The following CENPE variants were observed in gnomAD, a reference collection of about 807,000 sequenced individuals.
The protein encoded by CENPE is centromere-associated protein E.
CENPE carries 145 observed loss-of-function variants against 336.1 expected under a neutral mutation model. The observed-to-expected ratio is 0.43, with a 90% confidence interval of 0.38 to 0.50. The LOEUF (loss-of-function observed/expected upper bound fraction) is 0.50. Ranked by LOEUF, CENPE falls within the 20% of genes least tolerant of loss-of-function variation. The pLI, the probability that CENPE is intolerant of heterozygous loss-of-function variation, is 0.00. For missense variants in CENPE, 2,719 were observed against 3,023.3 expected, an observed-to-expected ratio of 0.90 and a Z score of 2.36; for synonymous variants, 1,013 against 984.8, an observed-to-expected ratio of 1.03 and a Z score of -0.54.
In CENPE at chr4:103,116,683, C is replaced by A; in HGVS notation, c.7336G>T (p.Val2446Phe). ...KETIQVLQDK[V>F]ALGAKPYKEE... Reference sequence around the variant, plus strand: ...TTATATGGCTTAGCTCCTAAAGCAACTTTGTCCTAAATTTTTTTTAGAGAA... The same window carrying A: ...TTATATGGCTTAGCTCCTAAAGCAAATTTGTCCTAAATTTTTTTTAGAGAA... Residue 2446 changes from valine to phenylalanine, a missense_variant, in exon 45 of 49, where the codon GTT becomes TTT. Coordinates refer to ENST00000265148, the MANE Select transcript of CENPE (RefSeq NM_001813.3). 6.5e-7 allele frequency: 1 copy of A among 1,547,630 alleles called. No homozygotes were observed. Among genetic ancestry groups the A allele is most frequent in the Non-Finnish European group, 8.7e-7 (1 of 1,147,000 alleles).
chr4:103,120,149 T>C lies in CENPE; in HGVS notation c.7328A>G (p.Gln2443Arg), dbSNP rs115120218. 48 of 1,587,572 alleles carry C rather than the reference T, an allele frequency of 3.0e-5. No homozygotes were observed. The East Asian group carries it at 1.0e-3, about 33-fold the overall frequency. ...CTTTTATTTTTATGTTTAAGTTACC[T>C]GAAGTACTTGAATTGTCTCTTTTGT... ...EKTKETIQVL[Q>R]DKVALGAKPY... The change falls in exon 44 of 49, where the codon CAG (glutamine) becomes CGG (arginine). Residue 2443 changes from glutamine (Q) to arginine (R), a missense_variant and splice_region_variant. Physicochemically the swap from Gln to Arg is conservative, Grantham distance 43 (BLOSUM62 1). Around this residue, in one of 5 missense-constraint regions of CENPE, gnomAD observed 2,437 missense variants for 2,513.3 expected, o/e 0.97. Transcript: ENST00000265148.
At chr4:103,136,104 G>T in intron 40 of CENPE, 37 bp downstream of exon 40, 1 of 1,523,334 alleles carries the variant, frequency 6.6e-7, no homozygotes, top group East Asian at 2.3e-5. Flanking sequence ...GTTTATAACT[G>T]AAATATTTAA....
intron 12 of CENPE, 103 bp from the exon 13 acceptor site, chr4:103,180,572 T>C: frequency 1.4e-6 from 1 of 691,086 alleles, no homozygotes; most frequent in South Asian, 3.2e-5. Context: ...ATATGAACTA[T>C]AAGAATTTTA....
At chr4:103,183,041 T>A in intron 10 of CENPE, 150 bp from the exon 11 acceptor site, 1 of 883,440 alleles carries the variant, frequency 1.1e-6, no homozygotes, top group Non-Finnish European at 1.7e-6. Context: ...CTAAAAAATA[T>A]TTAAAACAGA....
In CENPE at chr4:103,161,124, G is replaced by A; in HGVS notation, c.2093C>T (p.Thr698Ile). ...GCCATCTATAAGGGAGGTGAGTTTTGTTATCTCATTAAAAGCAGATTGTAA... is the reference window on the plus strand; with the variant it reads ...GCCATCTATAAGGGAGGTGAGTTTTATTATCTCATTAAAAGCAGATTGTAA... ...KELQSAFNEI[T>I]KLTSLIDGKV... Residue 698 changes from threonine to isoleucine, a missense_variant, in exon 20 of 49, where the codon ACA becomes ATA. This residue lies in a region of CENPE where 2,437 missense variants were observed against 2,513.3 expected (regional missense o/e 0.97). Coordinates refer to ENST00000265148, the MANE Select transcript of CENPE (RefSeq NM_001813.3). 1.2e-6 allele frequency: 2 copies of A among 1,606,810 alleles called. No individual in the cohort carries two copies. Among genetic ancestry groups the A allele is most frequent in the Middle Eastern group, 3.3e-4 (2 of 5,974 alleles).
chr4:103,125,338 T>C (rs1470657824), intron 42 of CENPE, among the ~76,000 whole-genome samples: 4 of 152,220 alleles, frequency 2.6e-5, no homozygotes, highest in African/African-American at 9.6e-5. Flanking sequence ...GAATATTACA[T>C]GTTTTACCAA....
At chr4:103,172,006 C>T (rs1292476555) in intron 16 of CENPE, among the ~76,000 whole-genome samples, 1 of 151,968 alleles carries the variant, frequency 6.6e-6, no homozygotes, top group Admixed American at 6.6e-5. Flanking sequence ...GGCCCAGGAC[C>T]TGATGGCATC....
intron 42 of CENPE, among the ~76,000 whole-genome samples, chr4:103,126,958 A>T (rs763214021): frequency 6.6e-6 from 1 of 152,074 alleles, no homozygotes; most frequent in Admixed American, 6.5e-5. Context: ...TAATGTATAC[A>T]TAATGGGAAT....
chr4:103,196,302 C>A, intron 2 of CENPE, 50 bp from the exon 3 acceptor site: 1 of 1,347,712 alleles, frequency 7.4e-7, no homozygotes, highest in South Asian at 1.2e-5. Flanking sequence ...TCAAATGAGT[C>A]CACTGTGTTT....
chr4:103,112,973 TAA>T (rs1263532874), intron 46 of CENPE, among the ~76,000 whole-genome samples: 1 of 33,760 alleles, frequency 3.0e-5, no homozygotes, highest in Admixed American at 3.9e-4. Context: ...TATAAGTATA[TAA>T]GTGTATATAT....
intron 42 of CENPE, among the ~76,000 whole-genome samples, chr4:103,130,294 T>C (rs1045080609): frequency 6.6e-6 from 1 of 152,204 alleles, no homozygotes; most frequent in Admixed American, 6.5e-5. Flanking sequence ...AAAATACTCC[T>C]GGAACTAAAT....
At chr4:103,143,215 C>G (rs1217110243) in intron 34 of CENPE, 33 bp downstream of exon 34, 1 of 1,496,392 alleles carries the variant, frequency 6.7e-7, no homozygotes, top group Non-Finnish European at 9.0e-7. Context: ...GATTCAAACT[C>G]TCAGTAACTG....
intron 48 of CENPE, among the ~76,000 whole-genome samples, chr4:103,107,640 C>G (rs560755713): frequency 8.7e-4 from 133 of 152,260 alleles, no homozygotes; most frequent in African/African-American, 3.1e-3. Flanking sequence ...CTGTGGACAA[C>G]CTCCATGCAG....
intron 39 of CENPE, 145 bp from the exon 40 acceptor site, chr4:103,136,504 G>A: frequency 2.0e-6 from 1 of 509,734 alleles, no homozygotes; most frequent in Non-Finnish European, 3.3e-6. Flanking sequence ...AAAAACAAAA[G>A]GAAACTCTTG....
intron 29 of CENPE, among the ~76,000 whole-genome samples, chr4:103,147,081 C>T (rs1425670226): frequency 6.6e-6 from 1 of 152,142 alleles, no homozygotes; most frequent in East Asian, 1.9e-4. Context: ...TATTTGGTTT[C>T]ACCCTTTCTT....
chr4:103,132,980 A>ATATATATATATATATATATATATATATG, intron 41 of CENPE, 84 bp from the exon 42 acceptor site: 2 of 194,110 alleles, frequency 1.0e-5, no homozygotes, highest in Non-Finnish European at 1.0e-5. Flanking sequence ...ATATATATAT[A>ATATATATATATATATATATATATATATG]TATAAAATAA....
rs1752591543 is a variant in CENPE, at chr4:103,141,851, C to T, written c.5362G>A (p.Glu1788Lys). Residue 1788 changes from glutamate to lysine, a missense_variant, in exon 35 of 49, where the codon GAA (glutamate) becomes AAA (lysine). By Grantham distance (56) the Glu-to-Lys change is moderately conservative (BLOSUM62 1). Transcript: ENST00000265148. ...IAHMHLKEQQ[E>K]TIDKLRGIVS... ...ATTCCTCTGAGTTTGTCAATAGTTT[C>T]CTGCTGCTCTTTCAGATGCATGTGA... is the stretch of plus-strand genomic sequence containing the variant. 3.1e-6 allele frequency: 5 copies of T among 1,601,896 alleles called. No individual in the cohort carries two copies. The East Asian group carries it at 1.1e-4, about 36-fold the overall frequency.
At chr4:103,148,110 T>A (rs1025041189) in intron 28 of CENPE, among the ~76,000 whole-genome samples, 8 of 152,230 alleles carry the variant, frequency 5.3e-5, no homozygotes, top group Non-Finnish European at 4.4e-5. Context: ...TCATTTTCCC[T>A]CAATTCCTGC....
chr4:103,170,237 A>G (rs1235447522), intron 16 of CENPE, among the ~76,000 whole-genome samples: 1 of 152,184 alleles, frequency 6.6e-6, no homozygotes, highest in Non-Finnish European at 1.5e-5. Context: ...TACCTATGTA[A>G]CAAATCTGTA....
Sources: gnomAD v4.1 joint callset for allele counts (sites outside exome capture counted in the v4.1 genomes callset) on GRCh38, gnomAD v4.1.1 for gene constraint, gnomAD v4.1.1 regional missense constraint, MANE v1.5 for transcripts, NCBI Gene and HGNC (gene_info 2026-07-23, HGNC 2026-07-21) for gene names.